The following CCDC33 variants were observed in gnomAD, a reference collection of about 807,000 sequenced individuals.
CCDC33 encodes the protein coiled-coil domain-containing protein 33.
In CCDC33, 94 loss-of-function variants were observed where a neutral mutation model predicts 91.9. The ratio of observed to expected loss-of-function variants is 1.02; its 90% confidence interval spans 0.87 to 1.21. The LOEUF (loss-of-function observed/expected upper bound fraction) is 1.21. Among genes scored for constraint, CCDC33 ranks in the 50% most tolerant of loss-of-function variants. The pLI, the probability that CCDC33 is intolerant of heterozygous loss-of-function variation, is 0.00. For missense variants in CCDC33, 940 were observed against 935.5 expected (o/e 1.00, Z -0.06); for synonymous variants, 396 against 374.5 (o/e 1.06, Z -0.66).
chr15:74,259,196 G>T (rs2075956125), intron 2 of CCDC33, among the ~76,000 whole-genome samples: 1 of 152,016 alleles, frequency 6.6e-6, no homozygotes, highest in African/African-American at 2.4e-5. Flanking sequence ...GCAGGTCTTT[G>T]GGGGGACAGG....
At chr15:74,239,217 C>T (rs951182150) in intron 1 of CCDC33, among the ~76,000 whole-genome samples, 4 of 152,154 alleles carry the variant, frequency 2.6e-5, no homozygotes, top group African/African-American at 9.7e-5. Flanking sequence ...CTCCTCAGGC[C>T]TCCCAGGCTG....
At chr15:74,273,183 A>T (rs1332193192) in intron 7 of CCDC33, among the ~76,000 whole-genome samples, 2 of 152,260 alleles carry the variant, frequency 1.3e-5, no homozygotes, top group South Asian at 2.1e-4. Flanking sequence ...ATCAGAGGAG[A>T]AGATACAAAA....
intron 11 of CCDC33, among the ~76,000 whole-genome samples, chr15:74,305,188 C>G (rs1446716211): frequency 2.0e-5 from 3 of 152,164 alleles, no homozygotes; most frequent in African/African-American, 7.2e-5. Flanking sequence ...CTCAAGTGAT[C>G]CACCCGCCTC....
At chr15:74,270,160 A>G (rs999325063) in intron 5 of CCDC33, among the ~76,000 whole-genome samples, 17 of 152,212 alleles carry the variant, frequency 1.1e-4, no homozygotes, top group African/African-American at 3.9e-4. Context: ...CGTGCCCATC[A>G]GCTCACACCT....
intron 11 of CCDC33, among the ~76,000 whole-genome samples, chr15:74,315,759 C>A (rs891206616): frequency 2.6e-5 from 4 of 152,306 alleles, no homozygotes; most frequent in South Asian, 4.1e-4. Flanking sequence ...ATGCACTGAA[C>A]CTGTTTGTTC....
At chr15:74,295,485 G>A (rs893552093) in intron 10 of CCDC33, among the ~76,000 whole-genome samples, 6 of 152,152 alleles carry the variant, frequency 3.9e-5, no homozygotes, top group East Asian at 1.9e-4. Context: ...AGACAGCTGC[G>A]TAAGGATCCC....
At chr15:74,256,633 C>G (rs940222202) in intron 2 of CCDC33, among the ~76,000 whole-genome samples, 1 of 152,198 alleles carries the variant, frequency 6.6e-6, no homozygotes, top group African/African-American at 2.4e-5. Flanking sequence ...TGCCACAGGA[C>G]AGGACACGGC....
chr15:74,266,856 C>CGAGGGAATAG, intron 4 of CCDC33, 69 bp downstream of exon 4: 2 of 1,201,738 alleles, frequency 1.7e-6, no homozygotes, highest in South Asian at 1.2e-5. Flanking sequence ...CCAGCTATTC[C>CGAGGGAATAG]CTCGGAGCAG....
At chr15:74,258,309 C>T (rs1008980956) in intron 2 of CCDC33, among the ~76,000 whole-genome samples, 5 of 152,222 alleles carry the variant, frequency 3.3e-5, no homozygotes, top group African/African-American at 1.2e-4. Flanking sequence ...CACAGCAGAT[C>T]TGAGTCAGGG....
intron 2 of CCDC33, among the ~76,000 whole-genome samples, chr15:74,226,962 G>A (rs2074820158): frequency 6.6e-6 from 1 of 152,182 alleles, no homozygotes; most frequent in Non-Finnish European, 1.5e-5. Flanking sequence ...TGCAGGGGAT[G>A]CCAATGGAAT....
rs143194935 is a variant in CCDC33 at position 74,321,354 on chromosome 15, C to A, written c.1291-8835C>A. Among the ~76,000 whole-genome samples the A allele has an allele frequency of 4.3e-3, 647 of 151,660 alleles. 3 individuals are homozygous for A. The highest frequency in any genetic ancestry group is 0.025 in the South Asian group (120 of 4,786). On this transcript the variant is annotated intron_variant, in intron 11 of 18. Transcript: ENST00000398814. ...CAACCTCCGCCCCACCCCCGCCTGC[C>A]CCCCAGTTCAAGCGATTCTCCCACC...
intron 3 of CCDC33, 73 bp downstream of exon 3, chr15:74,262,646 C>G (rs2076058526): frequency 6.6e-7 from 1 of 1,506,500 alleles, no homozygotes; most frequent in Non-Finnish European, 9.0e-7. Flanking sequence ...GAGCAAGAAG[C>G]AGGCTCCCTC....
intron 7 of CCDC33, among the ~76,000 whole-genome samples, chr15:74,275,071 C>G (rs990577325): frequency 4.6e-5 from 7 of 151,750 alleles, no homozygotes; most frequent in Non-Finnish European, 4.4e-5. Context: ...GCCCTGTTCC[C>G]TTTGAGCGTC....
At chr15:74,225,117 C>CGTGTGTGTGTGTGTGTGTGTGTGTGTGT (rs3057568) in intron 2 of CCDC33, among the ~76,000 whole-genome samples, 1 of 139,832 alleles carries the variant, frequency 7.2e-6, no homozygotes, top group African/African-American at 2.7e-5. Context: ...CTCCTGGAGG[C>CGTGTGTGTGTGTGTGTGTGTGTGTGTGT]GTGTGTGTGT....
intron 2 of CCDC33, among the ~76,000 whole-genome samples, chr15:74,231,091 T>C (rs560010674): frequency 2.6e-5 from 4 of 152,214 alleles, no homozygotes; most frequent in African/African-American, 9.6e-5. Flanking sequence ...ACTGAGCTGA[T>C]AGAAGTCACC....
upstream of CCDC33, among the ~76,000 whole-genome samples, chr15:74,235,823 G>A (rs2075135916): frequency 6.6e-6 from 1 of 152,122 alleles, no homozygotes. Context: ...TTTCAATAAT[G>A]TAATGAATTT....
chr15:74,249,486 T>TA (rs1348757162), intron 2 of CCDC33, among the ~76,000 whole-genome samples: 2 of 134,578 alleles, frequency 1.5e-5, no homozygotes, highest in East Asian at 5.2e-4. Flanking sequence ...AGGCTCCGTC[T>TA]AAAAAAAATA....
rs1383113528 is a variant in CCDC33 at position 74,280,165 on chromosome 15, C to T, written c.889+73C>T. ...CTGTATTATGAAAGGGTGTTCAGAC[C>T]ATCCCACCTCTGCCTCCCACAGGGA... is the stretch of plus-strand genomic sequence containing the variant. On this transcript the variant is annotated intron_variant, in intron 8 of 18. Transcript: ENST00000398814. 3 of 1,553,214 alleles carry T rather than the reference C, an allele frequency of 1.9e-6. No individual in the cohort carries two copies. The African/African-American group carries it at 4.1e-5, about 21-fold the overall frequency.
intron 1 of CCDC33, among the ~76,000 whole-genome samples, chr15:74,203,385 G>A (rs2074171682): frequency 6.6e-6 from 1 of 152,186 alleles, no homozygotes; most frequent in Non-Finnish European, 1.5e-5. Flanking sequence ...AGGGAGGAGG[G>A]CTCCTCCGCA....
Sources: allele counts gnomAD v4.1 joint callset (sites outside exome capture counted in the v4.1 genomes callset), GRCh38; gene constraint gnomAD v4.1.1; transcripts MANE v1.5; gene names NCBI Gene and HGNC (gene_info 2026-07-23, HGNC 2026-07-21).